Variants in SOX6 observed in about 807,000 individuals in gnomAD.
SOX6 encodes SRY-box transcription factor 6, also known as transcription factor SOX-6.
In SOX6, 11 loss-of-function variants were observed where a neutral mutation model predicts 97.8. That is an observed-to-expected ratio of 0.11 (90% CI 0.07 to 0.19). The LOEUF (loss-of-function observed/expected upper bound fraction) is 0.19, where lower values mean the gene tolerates loss of function less well. SOX6 is among the 10% of genes least tolerant of loss of function. SOX6 has a pLI of 1.00. For missense variants in SOX6, 810 were observed against 1,039.5 expected, an observed-to-expected ratio of 0.78 and a Z score of 3.04; for synonymous variants, 360 against 371.4, an observed-to-expected ratio of 0.97 and a Z score of 0.35.
At chr11:16,197,394 T>C (rs927292256) in intron 4 of SOX6, among the ~76,000 whole-genome samples, 2 of 152,162 alleles carry the variant, frequency 1.3e-5, no homozygotes, top group Non-Finnish European at 2.9e-5. Context: ...GATTATGTTT[T>C]TATATAATCA....
intron 3 of SOX6, among the ~76,000 whole-genome samples, chr11:16,648,777 A>G (rs199984545): frequency 6.6e-6 from 1 of 152,218 alleles, no homozygotes; most frequent in East Asian, 1.9e-4. Flanking sequence ...AAATCTCTGA[A>G]TTGCCAAATA....
intron 1 of SOX6, among the ~76,000 whole-genome samples, chr11:16,737,113 T>C (rs1407231452): frequency 6.6e-6 from 1 of 152,230 alleles, no homozygotes; most frequent in African/African-American, 2.4e-5. Flanking sequence ...ACTAGAGCAA[T>C]TGCTGAGTTC....
chr11:16,151,160 A>T (rs937490575), intron 6 of SOX6, among the ~76,000 whole-genome samples: 4 of 152,302 alleles, frequency 2.6e-5, no homozygotes, highest in African/African-American at 9.6e-5. Flanking sequence ...TTTTTTAATG[A>T]CATTGGGTCA....
intron 3 of SOX6, among the ~76,000 whole-genome samples, chr11:16,284,144 T>G (rs1854663209): frequency 6.6e-6 from 1 of 152,156 alleles, no homozygotes; most frequent in Non-Finnish European, 1.5e-5. Context: ...CTGCTTCTGA[T>G]ATCTCTTACA....
intron 3 of SOX6, among the ~76,000 whole-genome samples, chr11:16,249,517 A>G (rs1853445869): frequency 1.3e-5 from 2 of 152,156 alleles, no homozygotes; most frequent in African/African-American, 2.4e-5. Flanking sequence ...ACTTTTCCAC[A>G]TCTTCCTATC....
intron 9 of SOX6, among the ~76,000 whole-genome samples, chr11:16,064,510 A>AAAGCCATACATATATATATATATATG (rs1163618322): frequency 2.7e-4 from 39 of 144,756 alleles, no homozygotes; most frequent in African/African-American, 1.0e-3. Flanking sequence ...AAAACCAGAC[A>AAAGCCATACATATATATATATATATG]AAGCCATACA....
chr11:16,126,306 TG>T lies in SOX6; in HGVS notation c.778-14384del, dbSNP rs1849612148. On this transcript the variant is annotated intron_variant, in intron 6 of 15. Coordinates refer to ENST00000683767, the MANE Select transcript of SOX6 (RefSeq NM_001367873.1). ...CCACATGACAGTTCCCCCAAATGAA[TG>T]ACACAAAATCCAGTTTTGATTCTCT... Among the ~76,000 whole-genome samples the T allele has an allele frequency of 2.6e-5, 4 of 152,242 alleles. No homozygotes were observed. In the South Asian group the frequency reaches 8.3e-4, roughly 32 times the overall value.
At chr11:16,567,561 CTTTTTTTTTTTTTTT>C (rs59320140) in intron 4 of SOX6, among the ~76,000 whole-genome samples, 8 of 87,322 alleles carry the variant, frequency 9.2e-5, no homozygotes, top group Non-Finnish European at 1.8e-4. Context: ...ATATTTTTTT[CTTTTTTTTTTTTTTT>C]TTTTTTTTTT....
At chr11:16,093,093 T>G (rs1848725571) in intron 9 of SOX6, among the ~76,000 whole-genome samples, 1 of 152,092 alleles carries the variant, frequency 6.6e-6, no homozygotes, top group African/African-American at 2.4e-5. Flanking sequence ...TATAATACAT[T>G]GTTTACTGTA....
At chr11:16,423,649 T>C (rs1859064311) in intron 1 of SOX6, among the ~76,000 whole-genome samples, 1 of 152,058 alleles carries the variant, frequency 6.6e-6, no homozygotes, top group South Asian at 2.1e-4. Context: ...GAGATTGACT[T>C]AGGGGAAAGA....
chr11:16,243,480 G>T (rs1486937892), intron 3 of SOX6, among the ~76,000 whole-genome samples: 1 of 151,760 alleles, frequency 6.6e-6, no homozygotes, highest in Non-Finnish European at 1.5e-5. Context: ...AGACTATTGT[G>T]TGTCAAGCAG....
At position 16,287,013 on chromosome 11, in the gene SOX6, G is replaced by GA. The variant is rs998002088; in HGVS notation, c.445+31432dup. On this transcript the variant is annotated intron_variant, in intron 3 of 15. Coordinates refer to ENST00000683767, the MANE Select transcript of SOX6 (RefSeq NM_001367873.1). ...AAGAAGTTTGTTATGAAAAATGCTA[G>GA]AAAAAAATTAAATTTGACAGTTTTT... is the stretch of plus-strand genomic sequence containing the variant. Among the ~76,000 whole-genome samples, 3 of 151,680 alleles carry GA rather than the reference G, an allele frequency of 2.0e-5. No homozygotes were observed. In the South Asian group the frequency reaches 6.3e-4, roughly 32 times the overall value.
intron 3 of SOX6, among the ~76,000 whole-genome samples, chr11:16,255,280 C>G (rs1433776784): frequency 1.3e-5 from 2 of 152,024 alleles, no homozygotes; most frequent in Non-Finnish European, 2.9e-5. Context: ...TATCTATAGA[C>G]TACTTCATCC....
chr11:16,700,680 T>C, intron 3 of SOX6, among the ~76,000 whole-genome samples: 1 of 152,166 alleles, frequency 6.6e-6, no homozygotes, highest in East Asian at 1.9e-4. Context: ...TCTAGTACTG[T>C]TTGCATACCT....
chr11:16,035,011 A>C (rs955787698), intron 12 of SOX6, among the ~76,000 whole-genome samples: 1 of 152,220 alleles, frequency 6.6e-6, no homozygotes, highest in East Asian at 1.9e-4. Flanking sequence ...TACACACACA[A>C]GGAACAGACT....
At chr11:16,217,201 T>C (rs78496756) in intron 4 of SOX6, among the ~76,000 whole-genome samples, 1,820 of 152,240 alleles carry the variant, frequency 0.012, 35 homozygotes, top group African/African-American at 0.041. Context: ...TCCCACATAT[T>C]AGACTAGAAA....
At chr11:16,280,059 G>C (rs533541140) in intron 3 of SOX6, among the ~76,000 whole-genome samples, 2 of 152,016 alleles carry the variant, frequency 1.3e-5, no homozygotes, top group African/African-American at 4.8e-5. Flanking sequence ...ATCAAGAAAT[G>C]ACTTAATCAA....
chr11:16,496,350 G>T (rs768518857), intron 4 of SOX6, among the ~76,000 whole-genome samples: 1 of 151,868 alleles, frequency 6.6e-6, no homozygotes, highest in Non-Finnish European at 1.5e-5. Flanking sequence ...GAGCCAACAT[G>T]GCTGAATAGG....
chr11:16,580,803 T>C (rs1792563380), intron 4 of SOX6, among the ~76,000 whole-genome samples: 1 of 152,058 alleles, frequency 6.6e-6, no homozygotes, highest in South Asian at 2.1e-4. Flanking sequence ...AACAGACACT[T>C]CTCAAAAGAA....
Sources: allele counts gnomAD v4.1 joint callset (sites outside exome capture counted in the v4.1 genomes callset), GRCh38; gene constraint gnomAD v4.1.1; transcripts MANE v1.5; gene names NCBI Gene and HGNC (gene_info 2026-07-23, HGNC 2026-07-21).